The following RGS6 variants were observed in gnomAD, a reference collection of about 807,000 sequenced individuals.
RGS6 encodes the protein regulator of G protein signaling 6, also known as regulator of G-protein signaling 6.
A neutral mutation model predicts 78.5 loss-of-function variants in RGS6; 30 were observed. The observed-to-expected ratio is 0.38, with a 90% CI of 0.29 to 0.52. The LOEUF (loss-of-function observed/expected upper bound fraction) is 0.52. Ranked by LOEUF, RGS6 falls within the 20% of genes least tolerant of loss-of-function variation. The pLI is 0.85. For missense variants in RGS6, 495 were observed against 609.7 expected (o/e 0.81, Z 1.98); for synonymous variants, 206 against 206.0 (o/e 1.00, Z 0.00).
intron 2 of RGS6, chr14:71,990,943 C>A: frequency 2.3e-6 from 1 of 433,110 alleles, no homozygotes; most frequent in South Asian, 1.7e-5. Flanking sequence ...AGAACCTGAA[C>A]CTGATTCTCT....
chr14:72,403,745 G>A (rs1676249160), intron 3 of RGS6, among the ~76,000 whole-genome samples: 1 of 152,092 alleles, frequency 6.6e-6, no homozygotes. Context: ...TAAAAATAAT[G>A]TAAGGAATAA....
intron 2 of RGS6, among the ~76,000 whole-genome samples, chr14:72,170,259 A>G (rs1485844080): frequency 2.0e-5 from 3 of 152,238 alleles, no homozygotes; most frequent in African/African-American, 7.2e-5. Flanking sequence ...CAAAATGTTT[A>G]ATACAGACTG....
intron 2 of RGS6, among the ~76,000 whole-genome samples, chr14:72,160,689 G>A (rs1272015579): frequency 6.6e-6 from 1 of 152,154 alleles, no homozygotes; most frequent in African/African-American, 2.4e-5. Context: ...CACATGGAGA[G>A]ATACAAGGGA....
At chr14:71,960,383 T>C (rs755294214) in intron 1 of RGS6, among the ~76,000 whole-genome samples, 3 of 152,220 alleles carry the variant, frequency 2.0e-5, no homozygotes, top group Non-Finnish European at 2.9e-5. Context: ...ACATGGGTCT[T>C]TGTTGATCAA....
At chr14:72,274,742 G>A (rs894610373) in intron 2 of RGS6, among the ~76,000 whole-genome samples, 2 of 152,152 alleles carry the variant, frequency 1.3e-5, no homozygotes, top group Non-Finnish European at 2.9e-5. Flanking sequence ...AGTGTAGACA[G>A]CCTCTAGAGA....
chr14:72,511,347 T>C (rs936160802), intron 14 of RGS6, among the ~76,000 whole-genome samples: 3 of 152,244 alleles, frequency 2.0e-5, no homozygotes, highest in African/African-American at 7.2e-5. Context: ...GCAACATCCA[T>C]GCACTTATTT....
chr14:72,567,261 G>A (rs528188848), downstream of RGS6, among the ~76,000 whole-genome samples: 1 of 152,296 alleles, frequency 6.6e-6, no homozygotes, highest in South Asian at 2.1e-4. Context: ...GCCCCACAGA[G>A]TTAAGATCAA....
Position 72,160,672 on chromosome 14 carries a change from A to T in RGS6, c.85-191423A>T, listed in dbSNP as rs563227643. On this transcript the variant is annotated intron_variant, in intron 2 of 17. Coordinates refer to ENST00000553525, the MANE Select transcript of RGS6 (RefSeq NM_001204424.2). The stretch of plus-strand genomic sequence containing the variant: ...GTTGTTGTCTTTACAAGAAGAAAAC[A>T]TTTGGCCACATGGAGAGATACAAGG... Among the ~76,000 whole-genome samples the T allele has an allele frequency of 2.0e-5, 3 of 152,362 alleles. No homozygotes were observed. In the South Asian group the frequency reaches 6.2e-4, roughly 32 times the overall value.
the RGS6 span, among the ~76,000 whole-genome samples, chr14:72,590,422 G>A: frequency 6.6e-6 from 1 of 152,312 alleles, no homozygotes; most frequent in African/African-American, 2.4e-5. Flanking sequence ...AACAAATTGT[G>A]GCTCGTTCAT....
At chr14:72,457,520 A>G (rs1359615829) in intron 4 of RGS6, among the ~76,000 whole-genome samples, 1 of 152,098 alleles carries the variant, frequency 6.6e-6, no homozygotes, top group Admixed American at 6.5e-5. Flanking sequence ...GCTTGTCTCA[A>G]ACTCCTGAGC....
intron 2 of RGS6, among the ~76,000 whole-genome samples, chr14:72,104,109 G>A (rs1321171847): frequency 6.6e-6 from 1 of 152,048 alleles, no homozygotes; most frequent in Non-Finnish European, 1.5e-5. Context: ...GAGGAACAAC[G>A]GTGACTTTTC....
intron 3 of RGS6, among the ~76,000 whole-genome samples, chr14:72,452,284 G>T (rs1036201421): frequency 2.0e-5 from 3 of 150,526 alleles, no homozygotes; most frequent in Non-Finnish European, 3.0e-5. Flanking sequence ...GAGTGTTTTT[G>T]ATCTAAAGTT....
chr14:72,194,603 C>G (rs955126722), intron 2 of RGS6, among the ~76,000 whole-genome samples: 1 of 152,140 alleles, frequency 6.6e-6, no homozygotes, highest in African/African-American at 2.4e-5. Flanking sequence ...CTCAAATGAT[C>G]CTCCCACCTT....
At chr14:72,612,927 C>A in the RGS6 span, among the ~76,000 whole-genome samples, 1 of 152,068 alleles carries the variant, frequency 6.6e-6, no homozygotes, top group Admixed American at 6.5e-5. Context: ...CCTTGCCTGG[C>A]AGCCCCTGGC....
intron 2 of RGS6, among the ~76,000 whole-genome samples, chr14:72,189,739 G>C (rs185978539): frequency 2.6e-5 from 4 of 152,186 alleles, no homozygotes; most frequent in African/African-American, 7.2e-5. Flanking sequence ...TATGAGTGTC[G>C]TCACTCCCTT....
At chr14:72,540,738 G>T (rs889496083) in intron 17 of RGS6, 1 of 1,291,946 alleles carries the variant, frequency 7.7e-7, no homozygotes, top group African/African-American at 1.5e-5. Flanking sequence ...AATCCCTGCG[G>T]TGTCCTGGGT....
intron 6 of RGS6, among the ~76,000 whole-genome samples, chr14:72,462,195 G>A (rs553359422): frequency 5.3e-5 from 8 of 152,252 alleles, no homozygotes; most frequent in East Asian, 1.9e-4. Context: ...GCCTTTCCCC[G>A]CAAGCATTCC....
intron 3 of RGS6, among the ~76,000 whole-genome samples, chr14:72,408,571 G>A (rs1418681781): frequency 3.9e-5 from 6 of 152,108 alleles, no homozygotes; most frequent in Non-Finnish European, 8.8e-5. Context: ...CTATCATCAG[G>A]TACAAAAGCA....
chr14:72,367,268 A>T (rs1205659253), intron 3 of RGS6, among the ~76,000 whole-genome samples: 1 of 152,154 alleles, frequency 6.6e-6, no homozygotes, highest in East Asian at 1.9e-4. Context: ...GGACATCCCC[A>T]TGGGTCTGGA....
Sources: gnomAD v4.1 joint callset for allele counts (sites outside exome capture counted in the v4.1 genomes callset) on GRCh38, gnomAD v4.1.1 for gene constraint, MANE v1.5 for transcripts, NCBI Gene and HGNC (gene_info 2026-07-23, HGNC 2026-07-21) for gene names.